TBC1D22B: variants seen among roughly 807,000 people sequenced by gnomAD.
The protein encoded by TBC1D22B is TBC1 domain family member 22B.
In TBC1D22B, 32 loss-of-function variants were observed where a neutral mutation model predicts 69.1. The ratio of observed to expected loss-of-function variants is 0.46; its 90% CI spans 0.35 to 0.62. The LOEUF (loss-of-function observed/expected upper bound fraction) is 0.62. Ranked by LOEUF, TBC1D22B falls within the 20% of genes least tolerant of loss-of-function variation. The probability of loss-of-function intolerance (pLI) is 0.00; values close to 1 mark genes in which losing one functional copy is unlikely to be tolerated. For missense variants in TBC1D22B, 462 were observed against 630.9 expected, an observed-to-expected ratio of 0.73 and a Z score of 2.87; for synonymous variants, 206 against 229.8, an observed-to-expected ratio of 0.90 and a Z score of 0.94.
At chr6:37,290,948 C>G (rs933352046) in intron 7 of TBC1D22B, among the ~76,000 whole-genome samples, 9 of 152,128 alleles carry the variant, frequency 5.9e-5, no homozygotes, top group African/African-American at 2.2e-4. Context: ...AGCATTCATC[C>G]CAAATGTTTT....
chr6:37,277,835 A>G lies in TBC1D22B; in HGVS notation c.114-1469A>G, dbSNP rs189440707. Among the ~76,000 whole-genome samples the G allele has an allele frequency of 3.3e-5, 5 of 152,236 alleles. No homozygotes were observed. In the East Asian group the frequency reaches 9.6e-4, roughly 29 times the overall value. The stretch of plus-strand genomic sequence containing the variant: ...TAAATAGAAAACAACATTTGTTATA[A>G]ATAAGAAGAACTTCTGGGCGTGGTG... On this transcript the variant is annotated intron_variant, in intron 2 of 12. Coordinates refer to ENST00000373491, the MANE Select transcript of TBC1D22B (RefSeq NM_017772.4).
chr6:37,267,825 A>G (rs1766356366), intron 1 of TBC1D22B, among the ~76,000 whole-genome samples: 2 of 152,122 alleles, frequency 1.3e-5, no homozygotes, highest in Non-Finnish European at 2.9e-5. Flanking sequence ...CTACATTAGG[A>G]TTTAATGTTA....
At chr6:37,329,668 T>C (rs1046295671) in intron 12 of TBC1D22B, among the ~76,000 whole-genome samples, 6 of 152,264 alleles carry the variant, frequency 3.9e-5, no homozygotes, top group African/African-American at 1.4e-4. Context: ...AGTCTAAGTG[T>C]AAGCAGTCCA....
intron 3 of TBC1D22B, among the ~76,000 whole-genome samples, chr6:37,280,746 A>G (rs1362571674): frequency 6.6e-6 from 1 of 152,110 alleles, no homozygotes; most frequent in African/African-American, 2.4e-5. Flanking sequence ...AGGTAATATG[A>G]GATTTACCTC....
intron 1 of TBC1D22B, among the ~76,000 whole-genome samples, chr6:37,262,937 C>T (rs940033795): frequency 6.6e-6 from 1 of 152,178 alleles, no homozygotes; most frequent in Non-Finnish European, 1.5e-5. Context: ...AAGAGAGTGA[C>T]GGAGATTAAT....
At chr6:37,319,395 C>T (rs1421786277) in intron 12 of TBC1D22B, among the ~76,000 whole-genome samples, 1 of 152,156 alleles carries the variant, frequency 6.6e-6, no homozygotes, top group East Asian at 1.9e-4. Context: ...CAGAGCTTTG[C>T]CATATGTGAT....
chr6:37,315,674 C>G (rs1182298445), intron 10 of TBC1D22B, among the ~76,000 whole-genome samples: 1 of 152,116 alleles, frequency 6.6e-6, no homozygotes, highest in African/African-American at 2.4e-5. Flanking sequence ...CCTCCTGGCT[C>G]AAAGGATCTT....
At chr6:37,315,642 T>C (rs956343912) in intron 10 of TBC1D22B, among the ~76,000 whole-genome samples, 77 of 151,936 alleles carry the variant, frequency 5.1e-4, no homozygotes, top group African/African-American at 1.6e-3. Flanking sequence ...ACTGGTGCGA[T>C]CTTGGCTCAC....
In TBC1D22B at chr6:37,313,752, G is replaced by C. The variant is rs1767997003; in HGVS notation, c.1090-64G>C. 13 of 1,481,266 alleles carry C rather than the reference G, an allele frequency of 8.8e-6. No homozygotes were observed. The East Asian group carries it at 2.9e-4, about 34-fold the overall frequency. 91.8% of individuals were successfully genotyped at this position (1,481,266 alleles called of 1,614,324 possible). On this transcript the variant is annotated intron_variant, in intron 9 of 12. Coordinates refer to ENST00000373491, the MANE Select transcript of TBC1D22B (RefSeq NM_017772.4). ...GGCCTGAACTTCTAAACGTGTTTCA[G>C]TGAATGTCAGGTGATAACACAAGTT...
chr6:37,316,287 C>G (rs1768076335), intron 10 of TBC1D22B, among the ~76,000 whole-genome samples: 1 of 152,194 alleles, frequency 6.6e-6, no homozygotes, highest in East Asian at 1.9e-4. Context: ...TGCTGGCTAG[C>G]CATCTGGCGG....
In TBC1D22B at chr6:37,277,280, A is replaced by G. The variant is rs111747092; in HGVS notation, c.114-2024A>G. On this transcript the variant is annotated intron_variant, in intron 2 of 12. Transcript: ENST00000373491. ...ATAACCACATACTCCTGGGTGTTAT[A>G]TTAGATGACAGATCTTTCTTACACA... 2.8e-3 allele frequency among the ~76,000 whole-genome samples: 425 copies of G among 152,314 alleles called. 2 individuals carry two copies. Among genetic ancestry groups the G allele is most frequent in the African/African-American group, 9.4e-3 (390 of 41,570 alleles).
chr6:37,282,431 C>A, intron 4 of TBC1D22B, 67 bp downstream of exon 4: 1 of 1,482,926 alleles, frequency 6.7e-7, no homozygotes, highest in South Asian at 1.4e-5. Flanking sequence ...GACCTGGAAG[C>A]TACTGCTCTT....
chr6:37,276,110 G>A (rs1766663705), intron 2 of TBC1D22B, among the ~76,000 whole-genome samples: 1 of 151,670 alleles, frequency 6.6e-6, no homozygotes, highest in Non-Finnish European at 1.5e-5. Context: ...GATTACAGGT[G>A]TGCACCACCA....
At chr6:37,297,190 C>T (rs1767410991) in intron 8 of TBC1D22B, among the ~76,000 whole-genome samples, 1 of 152,150 alleles carries the variant, frequency 6.6e-6, no homozygotes, top group African/African-American at 2.4e-5. Context: ...AGTAATAGCT[C>T]CTTTATGTAA....
intron 12 of TBC1D22B, among the ~76,000 whole-genome samples, chr6:37,325,928 A>G (rs1239372015): frequency 1.3e-5 from 2 of 152,170 alleles, no homozygotes; most frequent in Non-Finnish European, 2.9e-5. Context: ...TTTTAGGCAT[A>G]GCCACCAGGT....
At chr6:37,269,747 A>C (rs1766422476) in intron 2 of TBC1D22B, 97 bp downstream of exon 2, 1 of 1,186,962 alleles carries the variant, frequency 8.4e-7, no homozygotes, top group Non-Finnish European at 1.3e-6. Flanking sequence ...GACATTTTTT[A>C]GCGTCTCTTC....
chr6:37,288,653 G>A (rs1374737700), intron 7 of TBC1D22B, among the ~76,000 whole-genome samples: 1 of 151,214 alleles, frequency 6.6e-6, no homozygotes, highest in East Asian at 2.0e-4. Context: ...GAGGAGGGAG[G>A]ATCTCTTGAG....
chr6:37,261,977 GT>G (rs1766115853), intron 1 of TBC1D22B, among the ~76,000 whole-genome samples: 1 of 139,648 alleles, frequency 7.2e-6, no homozygotes, highest in Non-Finnish European at 1.5e-5. Flanking sequence ...GTGTGTGTGT[GT>G]GTGTGTGTGT....
intron 8 of TBC1D22B, among the ~76,000 whole-genome samples, chr6:37,293,101 A>G (rs980913293): frequency 8.0e-5 from 12 of 149,918 alleles, no homozygotes; most frequent in African/African-American, 2.7e-4. Flanking sequence ...TTTTTGAGAC[A>G]GAGTCTCGCT....
Sources: allele counts gnomAD v4.1 joint callset (sites outside exome capture counted in the v4.1 genomes callset), GRCh38; gene constraint gnomAD v4.1.1; transcripts MANE v1.5; gene names NCBI Gene and HGNC (gene_info 2026-07-23, HGNC 2026-07-21).